TNXB: variants seen among roughly 807,000 people sequenced by gnomAD.
TNXB encodes tenascin-X.
A neutral mutation model predicts 340.5 loss-of-function variants in TNXB; 183 were observed. The ratio of observed to expected loss-of-function variants is 0.54; its 90% CI spans 0.48 to 0.61. TNXB has a LOEUF of 0.61. Among genes scored for constraint, TNXB ranks in the 20% least tolerant of loss-of-function variants. TNXB has a pLI of 0.00. For synonymous variants in TNXB, 2,121 were observed against 2,314.5 expected (o/e 0.92, Z 2.40); for missense variants, 4,613 against 5,446.4 (o/e 0.85, Z 4.82).
At chr6:32,102,825 CA>C (rs200907219) in intron 1 of TNXB, among the ~76,000 whole-genome samples, 3,349 of 152,186 alleles carry the variant, frequency 0.022, 51 homozygotes, top group Non-Finnish European at 0.028. Flanking sequence ...GAGGCTAAGG[CA>C]AAAGAATTGC....
intron 1 of TNXB, among the ~76,000 whole-genome samples, chr6:32,101,510 C>T (rs957886769): frequency 4.6e-5 from 7 of 151,666 alleles, no homozygotes; most frequent in South Asian, 2.1e-4. Flanking sequence ...AGGATGGTCT[C>T]GATCTCCTGA....
Position 32,058,155 on chromosome 6 carries a change from A to T in TNXB, c.7728T>A (p.Thr2576=). 1 of 1,612,538 alleles carries T rather than the reference A, an allele frequency of 6.2e-7. No homozygotes were observed. Among genetic ancestry groups the T allele is most frequent in the East Asian group, 2.2e-5 (1 of 44,864 alleles). ...VRVGGQESKV[T]VRGLEPGRKY... The stretch of plus-strand genomic sequence containing the variant: ...TGCGCCCAGGCTCCAGGCCCCTCAC[A>T]GTGACCTTGCTCTCCTGGCCCCCAA... The change falls in exon 22 of 44, where the codon ACT becomes ACA. Residue 2576 remains threonine, a synonymous_variant. Coordinates refer to ENST00000644971, the MANE Select transcript of TNXB (RefSeq NM_001365276.2). This position sits in a 1 kb window ranked among gnomAD's most constrained non-coding sequence, Gnocchi z 5.1.
chr6:32,042,431 C>A, intron 40 of TNXB, 24 bp downstream of exon 40: 5 of 1,610,262 alleles, frequency 3.1e-6, no homozygotes, highest in Non-Finnish European at 4.2e-6. Flanking sequence ...TGCACAGACC[C>A]CTGGGCTTCC....
chr6:32,087,353 C>G lies in TNXB; in HGVS notation c.2780-1235G>C, dbSNP rs1768969872. On this transcript the variant is annotated intron_variant, in intron 6 of 43. Coordinates refer to ENST00000644971, the MANE Select transcript of TNXB (RefSeq NM_001365276.2). The surrounding 1 kb of genome is among the most constrained non-coding windows in gnomAD (Gnocchi z 9.0). ...CCGGGCCTGAGGTCGGGCAGGCTGA[C>G]GGTGCGCGTGGTGCCCGGCACAGTC... is the stretch of plus-strand genomic sequence containing the variant. 2.1e-6 allele frequency: 1 copy of G among 480,914 alleles called. No individual in the cohort carries two copies. The allele number at this position is 480,914 out of a possible 1,614,324, so 29.8% of individuals were successfully genotyped here.
intron 43 of TNXB, 137 bp downstream of exon 43, chr6:32,041,634 A>G (rs1776406794): frequency 4.5e-6 from 5 of 1,100,858 alleles, no homozygotes; most frequent in Non-Finnish European, 5.4e-6. Flanking sequence ...AATCAACTCC[A>G]GCTCCCTCTG....
Position 32,058,080 on chromosome 6 carries a change from C to T in TNXB, c.7803G>A (p.Pro2601=), listed in dbSNP as rs749876302. 18 of 1,610,678 alleles carry T rather than the reference C, an allele frequency of 1.1e-5. No individual in the cohort carries two copies. The highest frequency in any genetic ancestry group is 5.3e-5 in the African/African-American group (4 of 74,872). The part of the protein sequence containing the change: ...YGLHEGRRLG[P]VSAVGVTEDE... ...CACCTGTGACGCCCACGGCAGACAC[C>T]GGGCCCAGGCGCCGCCCCTCGTGGA... Residue 2601 remains proline, a synonymous_variant, in exon 22 of 44, where the codon CCG becomes CCA. Coordinates refer to ENST00000644971, the MANE Select transcript of TNXB (RefSeq NM_001365276.2). This position sits in a 1 kb window ranked among gnomAD's most constrained non-coding sequence, Gnocchi z 5.1.
intron 4 of TNXB, among the ~76,000 whole-genome samples, chr6:32,094,234 T>C (rs760329451): frequency 1.5e-4 from 23 of 151,242 alleles, no homozygotes; most frequent in Non-Finnish European, 2.5e-4. Context: ...CTAGACAGCT[T>C]GGCCCAAACC....
chr6:32,060,590 T>C (rs1777948017), intron 21 of TNXB, among the ~76,000 whole-genome samples: 1 of 151,988 alleles, frequency 6.6e-6, no homozygotes, highest in Admixed American at 6.5e-5. Context: ...CTTCTTGCCA[T>C]GCCTGTTACT....
rs1246099362 is a variant in TNXB, at chr6:32,047,021, G to T, written c.10325-565C>A. Among the ~76,000 whole-genome samples, 2 of 152,258 alleles carry T rather than the reference G, an allele frequency of 1.3e-5. No homozygotes were observed. Among genetic ancestry groups the T allele is most frequent in the African/African-American group, 4.8e-5 (2 of 41,470 alleles). ...CACTGGGCCGGGGCAGCCAGGGTGG[G>T]GCAGGGAGAAGACAGGGGATTAGCT... On this transcript the variant is annotated intron_variant, in intron 30 of 43. Coordinates refer to ENST00000644971, the MANE Select transcript of TNXB (RefSeq NM_001365276.2). The surrounding 1 kb of genome is among the most constrained non-coding windows in gnomAD (Gnocchi z 6.2).
rs575740723 is a variant in TNXB, at chr6:32,053,248, T to C, written c.8791+140A>G. The C allele has an allele frequency of 3.2e-5, 43 of 1,363,996 alleles. 1 individual carries two copies. In the South Asian group the frequency reaches 5.6e-4, roughly 18 times the overall value. The allele number at this position is 1,363,996 out of a possible 1,614,324, so 84.5% of individuals were successfully genotyped here. On this transcript the variant is annotated intron_variant, in intron 25 of 43. Coordinates refer to ENST00000644971, the MANE Select transcript of TNXB (RefSeq NM_001365276.2). The stretch of plus-strand genomic sequence containing the variant: ...TTCTCCACCCAGGAAGATCTGTCAG[T>C]CCTCAGGGAAGTGGGGAAAGACAAA...
Position 32,067,486 on chromosome 6 carries a change from G to A in TNXB, c.6544+175C>T, listed in dbSNP as rs1364611521. ...CTGGGGGCCTTTCCCATATGGCTCC[G>A]ACACTTCTCCTGGATTTGCTCTCTC... On this transcript the variant is annotated intron_variant, in intron 18 of 43. Coordinates refer to ENST00000644971, the MANE Select transcript of TNXB (RefSeq NM_001365276.2). The surrounding 1 kb of genome is among the most constrained non-coding windows in gnomAD (Gnocchi z 4.2). 2.0e-5 allele frequency among the ~76,000 whole-genome samples: 3 copies of A among 152,010 alleles called. No homozygotes were observed. Among genetic ancestry groups the A allele is most frequent in the Admixed American group, 6.5e-5 (1 of 15,278 alleles).
In TNXB at chr6:32,095,787, G is replaced by A. The variant is rs1206089355; in HGVS notation, c.2066C>T (p.Pro689Leu). The part of the protein sequence containing the change: ...GQEEPPASAC[P>L]GGCGPRELCR... ...CAGTTCCCGGGGCCCGCAGCCTCCA[G>A]GGCAGGCGCTGGCTGGAGGCTCTTC... Residue 689 changes from proline (P) to leucine (L), a missense_variant, in exon 3 of 44, where the codon CCT becomes CTT. Pro to Leu is a moderately conservative substitution (Grantham distance 98). Around this residue, in one of 7 missense-constraint regions of TNXB, gnomAD observed 4,327 missense variants for 4,859.4 expected, o/e 0.89. Coordinates refer to ENST00000644971, the MANE Select transcript of TNXB (RefSeq NM_001365276.2). The A allele has an allele frequency of 1.2e-6, 2 of 1,613,392 alleles. No individual in the cohort carries two copies. The highest frequency in any genetic ancestry group is 1.7e-6 in the Non-Finnish European group (2 of 1,179,720).
rs1035524110 is a variant in TNXB at position 32,069,995 on chromosome 6, G to A, written c.5278+132C>T. 4 of 1,373,326 alleles carry A rather than the reference G, an allele frequency of 2.9e-6. No individual in the cohort carries two copies. The highest frequency in any genetic ancestry group is 2.9e-5 in the African/African-American group (2 of 68,936). 85.1% of individuals were successfully genotyped at this position (1,373,326 alleles called of 1,614,324 possible). Reference sequence around the variant, plus strand: ...CTGCCGGGCTGTGCTAGGGGCTTGTGCAGGGACGTGGGGAGCTGGATCTGA... The same window carrying A: ...CTGCCGGGCTGTGCTAGGGGCTTGTACAGGGACGTGGGGAGCTGGATCTGA... On this transcript the variant is annotated intron_variant, in intron 14 of 43. Coordinates refer to ENST00000644971, the MANE Select transcript of TNXB (RefSeq NM_001365276.2). The surrounding 1 kb of genome is among the most constrained non-coding windows in gnomAD (Gnocchi z 6.2).
chr6:32,072,607 C>T lies in TNXB; in HGVS notation c.4682-309G>A, dbSNP rs1360847007. 6.6e-6 allele frequency among the ~76,000 whole-genome samples: 1 copy of T among 152,224 alleles called. No homozygotes were observed. The highest frequency in any genetic ancestry group is 1.9e-4 in the East Asian group (1 of 5,204). ...ATTTTGTAGTTTAGTAAACGCGCCA[C>T]CAAGTCCTGTTATTTAATGAACTAG... On this transcript the variant is annotated intron_variant, in intron 12 of 43. Coordinates refer to ENST00000644971, the MANE Select transcript of TNXB (RefSeq NM_001365276.2). This position sits in a 1 kb window ranked among gnomAD's most constrained non-coding sequence, Gnocchi z 4.4.
rs547015654 is a variant in TNXB at position 32,070,970 on chromosome 6, C to T, written c.4991-556G>A. Among the ~76,000 whole-genome samples, 21 of 152,164 alleles carry T rather than the reference C, an allele frequency of 1.4e-4. No individual in the cohort carries two copies. The highest frequency in any genetic ancestry group is 2.8e-4 in the Non-Finnish European group (19 of 68,028). ...GCTCCCACTGGGCCTGGTGAAGGAG[C>T]GTGGGCTGCCTGTGAGAATGTTGAG... On this transcript the variant is annotated intron_variant, in intron 13 of 43. Transcript: ENST00000644971. This position sits in a 1 kb window ranked among gnomAD's most constrained non-coding sequence, Gnocchi z 6.0.
intron 18 of TNXB, among the ~76,000 whole-genome samples, chr6:32,066,247 A>T (rs1315973555): frequency 2.6e-5 from 4 of 152,142 alleles, no homozygotes; most frequent in Admixed American, 6.5e-5. Flanking sequence ...TTTTTAAATT[A>T]GCTGAGTGTG....
rs746459360 is a variant in TNXB at position 32,095,627 on chromosome 6, G to A, written c.2226C>T (p.Gly742=). 9 of 1,612,610 alleles carry A rather than the reference G, an allele frequency of 5.6e-6. No individual in the cohort carries two copies. The highest frequency in any genetic ancestry group is 1.7e-5 in the Admixed American group (1 of 59,978). ...GSCVCKDGYA[G]EDCGEEVPTI... ...CCTGCTCACCTTCTCCGCAGTCTTC[G>A]CCAGCATACCCATCTTTGCAGACAC... is the stretch of plus-strand genomic sequence containing the variant. The change falls in exon 3 of 44, where the codon GGC becomes GGT. Residue 742 remains glycine (G), a synonymous_variant. Transcript: ENST00000644971.
intron 1 of TNXB, among the ~76,000 whole-genome samples, chr6:32,107,278 G>A (rs944255557): frequency 1.3e-5 from 2 of 152,148 alleles, no homozygotes; most frequent in African/African-American, 2.4e-5. Flanking sequence ...AAGCAGAGAG[G>A]GTCTTTGCAC....
chr6:32,052,940 G>C lies in TNXB; in HGVS notation c.8845C>G (p.Pro2949Ala), dbSNP rs149492184. Residue 2949 changes from proline (P) to alanine (A), a missense_variant, in exon 26 of 44, where the codon CCC (proline) becomes GCC (alanine). Around this residue, in one of 7 missense-constraint regions of TNXB, gnomAD observed 4,327 missense variants for 4,859.4 expected, o/e 0.89. Transcript: ENST00000644971. This position sits in a 1 kb window ranked among gnomAD's most constrained non-coding sequence, Gnocchi z 4.7. ...TCCCCCAGGAGCGGCTCCTCAGGGG[G>C]CTCCGGGGCCTCCGTGCTGGGTTCT... ...PTEPSTEAPE[P>A]PEEPLLGELT... 5.0e-6 allele frequency: 8 copies of C among 1,612,752 alleles called. No individual in the cohort carries two copies. The highest frequency in any genetic ancestry group is 4.5e-5 in the East Asian group (2 of 44,878).
Sources: allele counts gnomAD v4.1 joint callset (sites outside exome capture counted in the v4.1 genomes callset), GRCh38; gene constraint gnomAD v4.1.1; regional missense constraint gnomAD v4.1.1; non-coding constraint Gnocchi (gnomAD v3.1); transcripts MANE v1.5; gene names NCBI Gene and HGNC (gene_info 2026-07-23, HGNC 2026-07-21).